DLG2: variants seen among roughly 807,000 people sequenced by gnomAD.
The protein encoded by DLG2 is discs large MAGUK scaffold protein 2, also known as disks large homolog 2.
In DLG2, 45 loss-of-function variants were observed where a neutral mutation model predicts 132.5. That is an observed-to-expected ratio of 0.34 (90% CI 0.27 to 0.44). The LOEUF (loss-of-function observed/expected upper bound fraction) is 0.44, where lower values mean the gene tolerates loss of function less well. DLG2 is among the 20% of genes least tolerant of loss of function. The pLI is 1.00. For synonymous variants in DLG2, 424 were observed against 419.6 expected (o/e 1.01, Z -0.13); for missense variants, 1,045 against 1,196.9 (o/e 0.87, Z 1.87).
chr11:85,383,202 T>C (rs1280836096), intron 3 of DLG2, among the ~76,000 whole-genome samples: 1 of 152,146 alleles, frequency 6.6e-6, no homozygotes, highest in African/African-American at 2.4e-5. Flanking sequence ...TTGAAAACTT[T>C]AAGTGAGAGA....
chr11:84,582,713 A>T (rs1010021036), intron 6 of DLG2, among the ~76,000 whole-genome samples: 2 of 152,088 alleles, frequency 1.3e-5, no homozygotes, highest in Non-Finnish European at 2.9e-5. Context: ...GCAGCAAAAA[A>T]CTGAGGAGTG....
At chr11:83,859,836 C>T (rs1395791366) in intron 16 of DLG2, among the ~76,000 whole-genome samples, 1 of 152,086 alleles carries the variant, frequency 6.6e-6, no homozygotes, top group African/African-American at 2.4e-5. Flanking sequence ...TTTTGTCGGC[C>T]AGGCCCAGGG....
intron 6 of DLG2, among the ~76,000 whole-genome samples, chr11:84,825,683 C>T (rs2078246647): frequency 6.6e-6 from 1 of 151,898 alleles, no homozygotes; most frequent in Non-Finnish European, 1.5e-5. Flanking sequence ...ATTCCAGCAA[C>T]TCCTCTTCAG....
chr11:85,087,263 T>C lies in DLG2; in HGVS notation c.357+24398A>G, dbSNP rs555626291. Reference sequence around the variant, plus strand: ...GATAAGGGTTTAGGGAAATAATAAGTAATTAGGAGTATGAGAGAGTGAAAC... The same window carrying C: ...GATAAGGGTTTAGGGAAATAATAAGCAATTAGGAGTATGAGAGAGTGAAAC... On this transcript the variant is annotated intron_variant, in intron 6 of 27. Coordinates refer to ENST00000376104, the MANE Select transcript of DLG2 (RefSeq NM_001142699.3). Among the ~76,000 whole-genome samples the C allele has an allele frequency of 1.3e-3, 202 of 152,082 alleles. 1 individual carries two copies. Among genetic ancestry groups the C allele is most frequent in the African/African-American group, 4.7e-3 (193 of 41,472 alleles).
chr11:84,746,443 TAAA>T (rs35862778), intron 6 of DLG2, among the ~76,000 whole-genome samples: 1 of 145,028 alleles, frequency 6.9e-6, no homozygotes, highest in African/African-American at 2.5e-5. Flanking sequence ...TAGACTTGAT[TAAA>T]AAAAAAAAAA....
chr11:85,322,990 A>T (rs2152827931), intron 3 of DLG2, among the ~76,000 whole-genome samples: 1 of 152,352 alleles, frequency 6.6e-6, no homozygotes, highest in Middle Eastern at 3.4e-3. Flanking sequence ...CCATTGATTT[A>T]ACTTTTTAAT....
At chr11:84,187,469 G>A (rs2096298988) in intron 8 of DLG2, among the ~76,000 whole-genome samples, 1 of 151,996 alleles carries the variant, frequency 6.6e-6, no homozygotes, top group South Asian at 2.1e-4. Flanking sequence ...AATAAAAGAA[G>A]CATCCCCCTT....
intron 6 of DLG2, among the ~76,000 whole-genome samples, chr11:84,556,904 G>C (rs1237775292): frequency 6.6e-6 from 1 of 152,114 alleles, no homozygotes; most frequent in Non-Finnish European, 1.5e-5. Flanking sequence ...AATCTATAAG[G>C]AATAATGTAA....
At chr11:85,522,407 C>T (rs776620702) in intron 3 of DLG2, among the ~76,000 whole-genome samples, 43 of 152,120 alleles carry the variant, frequency 2.8e-4, no homozygotes, top group Admixed American at 1.6e-3. Context: ...TAGGGCAGTG[C>T]GGAAGGGAAA....
intron 7 of DLG2, among the ~76,000 whole-genome samples, chr11:84,417,126 C>A (rs1032549701): frequency 1.3e-5 from 2 of 152,142 alleles, no homozygotes; most frequent in African/African-American, 4.8e-5. Context: ...ACAGTAAGGG[C>A]TCTGTGATTA....
In DLG2 at chr11:84,875,169, G is replaced by A. The variant is rs537284038; in HGVS notation, c.357+236492C>T. On this transcript the variant is annotated intron_variant, in intron 6 of 27. Transcript: ENST00000376104. Reference sequence around the variant, plus strand: ...CGTGATATTAAGAATGACGGAGGAGGGGATTTTTCAATAAAAAATTATAAA... The same window carrying A: ...CGTGATATTAAGAATGACGGAGGAGAGGATTTTTCAATAAAAAATTATAAA... Among the ~76,000 whole-genome samples, 14 of 152,114 alleles carry A rather than the reference G, an allele frequency of 9.2e-5. No homozygotes were observed. In the South Asian group the frequency reaches 2.7e-3, roughly 29 times the overall value.
At chr11:84,544,274 G>T (rs765868697) in intron 6 of DLG2, among the ~76,000 whole-genome samples, 3 of 152,318 alleles carry the variant, frequency 2.0e-5, no homozygotes, top group Admixed American at 6.5e-5. Flanking sequence ...CTCTAAGTCA[G>T]AATGGAACCA....
chr11:84,043,466 G>C lies in DLG2; in HGVS notation c.919+15849C>G, dbSNP rs1292839716. Among the ~76,000 whole-genome samples the C allele has an allele frequency of 2.0e-5, 3 of 151,736 alleles. No homozygotes were observed. In the East Asian group the frequency reaches 5.8e-4, roughly 29 times the overall value. ...TCGGGTCACAAGGGTTTGTTGTACA[G>C]ATTATTTCTTCACCCAGGTGCTAAG... On this transcript the variant is annotated intron_variant, in intron 11 of 27. Transcript: ENST00000376104.
intron 18 of DLG2, among the ~76,000 whole-genome samples, chr11:83,747,959 G>A (rs2093036918): frequency 6.6e-6 from 1 of 152,080 alleles, no homozygotes; most frequent in South Asian, 2.1e-4. Context: ...ATTGTTATTA[G>A]CTCCACTGTG....
At chr11:83,531,417 A>G (rs1565665929) in intron 21 of DLG2, among the ~76,000 whole-genome samples, 1 of 152,066 alleles carries the variant, frequency 6.6e-6, no homozygotes, top group Non-Finnish European at 1.5e-5. Context: ...GCTCAATATC[A>G]ACAGTCATTA....
At chr11:85,264,281 C>T (rs779716920) in intron 4 of DLG2, among the ~76,000 whole-genome samples, 56 of 152,236 alleles carry the variant, frequency 3.7e-4, no homozygotes, top group Non-Finnish European at 4.7e-4. Context: ...CCCACCTTGG[C>T]CCTTAGAAAC....
intron 2 of DLG2, among the ~76,000 whole-genome samples, chr11:85,619,304 A>G (rs2081542583): frequency 6.6e-6 from 1 of 152,218 alleles, no homozygotes; most frequent in Non-Finnish European, 1.5e-5. Context: ...CAGCCTCCCA[A>G]GTAACTGGGA....
chr11:84,633,155 A>G (rs549000537), intron 6 of DLG2, among the ~76,000 whole-genome samples: 18 of 152,314 alleles, frequency 1.2e-4, no homozygotes, highest in East Asian at 7.7e-4. Flanking sequence ...ACTTTCTCCA[A>G]TCAATTATTT....
At chr11:84,688,313 C>T (rs2099739876) in intron 6 of DLG2, among the ~76,000 whole-genome samples, 1 of 151,922 alleles carries the variant, frequency 6.6e-6, no homozygotes, top group Non-Finnish European at 1.5e-5. Flanking sequence ...ACTCTTACAG[C>T]CAAAGTATAT....
Sources: gnomAD v4.1 joint callset for allele counts (sites outside exome capture counted in the v4.1 genomes callset) on GRCh38, gnomAD v4.1.1 for gene constraint, MANE v1.5 for transcripts, NCBI Gene and HGNC (gene_info 2026-07-23, HGNC 2026-07-21) for gene names.